Variants in CACNA2D1 observed in about 807,000 individuals in gnomAD.
The protein encoded by CACNA2D1 is voltage-dependent calcium channel subunit alpha-2/delta-1.
CACNA2D1 carries 53 observed loss-of-function variants against 171.5 expected under a neutral mutation model. The ratio of observed to expected loss-of-function variants is 0.31; its 90% confidence interval spans 0.25 to 0.39. The LOEUF (loss-of-function observed/expected upper bound fraction) is 0.39, where lower values mean the gene tolerates loss of function less well. Among genes scored for constraint, CACNA2D1 ranks in the 10% least tolerant of loss-of-function variants. The probability of loss-of-function intolerance (pLI) is 1.00; values close to 1 mark genes in which losing one functional copy is unlikely to be tolerated. For missense variants in CACNA2D1, 903 were observed against 1,299.8 expected (o/e 0.69, Z 4.69); for synonymous variants, 442 against 443.1 (o/e 1.00, Z 0.03).
chr7:81,986,927 C>T (rs749198087), intron 21 of CACNA2D1, among the ~76,000 whole-genome samples: 8 of 152,120 alleles, frequency 5.3e-5, no homozygotes, highest in Non-Finnish European at 1.0e-4. Flanking sequence ...GAAATTAGGA[C>T]ATTTTTATTG....
chr7:82,006,611 A>G (rs1799145271), intron 16 of CACNA2D1, among the ~76,000 whole-genome samples: 4 of 152,168 alleles, frequency 2.6e-5, no homozygotes, highest in African/African-American at 7.2e-5. Flanking sequence ...ATAGAGTAAG[A>G]AAGTTGTATC....
At position 82,382,862 on chromosome 7, in the gene CACNA2D1, C is replaced by A. The variant is rs145568310; in HGVS notation, c.96-33213G>T. Reference sequence around the variant, plus strand: ...TCAAAAACATTTACTGTTTGTTCCACAAACAAGAACGTAAATGTATTTGGA... The same window carrying A: ...TCAAAAACATTTACTGTTTGTTCCAAAAACAAGAACGTAAATGTATTTGGA... On this transcript the variant is annotated intron_variant, in intron 1 of 38. Transcript: ENST00000356860. Among the ~76,000 whole-genome samples the A allele has an allele frequency of 1.6e-3, 248 of 152,234 alleles. 2 individuals are homozygous for A. The highest frequency in any genetic ancestry group is 0.012 in the East Asian group (60 of 5,174).
chr7:82,303,608 G>C (rs1421039575), intron 3 of CACNA2D1, among the ~76,000 whole-genome samples: 1 of 152,100 alleles, frequency 6.6e-6, no homozygotes, highest in East Asian at 1.9e-4. Context: ...CAATGGAACA[G>C]AACAGAGAAC....
chr7:82,441,929 T>A (rs1830535600), intron 1 of CACNA2D1, among the ~76,000 whole-genome samples: 1 of 152,158 alleles, frequency 6.6e-6, no homozygotes, highest in Admixed American at 6.5e-5. Flanking sequence ...ATCCTTAGGG[T>A]GATTCTTACT....
chr7:82,261,738 A>G (rs1563274858), intron 3 of CACNA2D1, among the ~76,000 whole-genome samples: 1 of 152,118 alleles, frequency 6.6e-6, no homozygotes, highest in Non-Finnish European at 1.5e-5. Context: ...CAGTGTTGGT[A>G]AAGCCTGGTA....
intron 6 of CACNA2D1, among the ~76,000 whole-genome samples, chr7:82,098,595 C>T (rs750025524): frequency 4.6e-5 from 7 of 152,068 alleles, no homozygotes; most frequent in Admixed American, 1.3e-4. Context: ...TCTACTGTGC[C>T]TTTACACTTA....
intron 6 of CACNA2D1, among the ~76,000 whole-genome samples, chr7:82,100,215 G>A (rs1459034051): frequency 6.6e-6 from 1 of 152,090 alleles, no homozygotes; most frequent in African/African-American, 2.4e-5. Context: ...CAATGAGATT[G>A]AATTTACTGT....
intron 1 of CACNA2D1, among the ~76,000 whole-genome samples, chr7:82,411,489 T>C (rs1338825289): frequency 6.6e-6 from 1 of 152,198 alleles, no homozygotes; most frequent in Non-Finnish European, 1.5e-5. Flanking sequence ...CCAATTATTA[T>C]TATTGCTAAC....
chr7:82,382,405 T>C (rs944766277), intron 1 of CACNA2D1, among the ~76,000 whole-genome samples: 23 of 152,218 alleles, frequency 1.5e-4, no homozygotes, highest in Admixed American at 6.5e-5. Flanking sequence ...CCCAGATTAG[T>C]TTGTGACTTG....
At chr7:82,173,155 G>A (rs1036326896) in intron 3 of CACNA2D1, among the ~76,000 whole-genome samples, 4 of 152,160 alleles carry the variant, frequency 2.6e-5, no homozygotes, top group Middle Eastern at 3.4e-3. Context: ...TCCATGTTTA[G>A]TAAGTTATAG....
intron 2 of CACNA2D1, among the ~76,000 whole-genome samples, chr7:82,342,639 T>C (rs1441013250): frequency 2.6e-5 from 4 of 152,106 alleles, no homozygotes; most frequent in African/African-American, 9.7e-5. Flanking sequence ...AATATGAGTG[T>C]TCCAATGAAG....
At chr7:82,154,937 A>T (rs1688239869) in intron 4 of CACNA2D1, among the ~76,000 whole-genome samples, 1 of 152,028 alleles carries the variant, frequency 6.6e-6, no homozygotes, top group Admixed American at 6.6e-5. Flanking sequence ...GCCTGGTGAG[A>T]GGTGACTGGA....
At chr7:82,116,879 T>C (rs1237669944) in intron 6 of CACNA2D1, among the ~76,000 whole-genome samples, 165 bp downstream of exon 6, 1 of 152,226 alleles carries the variant, frequency 6.6e-6, no homozygotes, top group African/African-American at 2.4e-5. Flanking sequence ...AAACTGTTCA[T>C]GAAAATCAGA....
chr7:82,041,039 G>A (rs1458341869), intron 10 of CACNA2D1, among the ~76,000 whole-genome samples: 1 of 56,724 alleles, frequency 1.8e-5, no homozygotes, highest in East Asian at 4.0e-4. Flanking sequence ...CATTATGTAG[G>A]CAGCCTTGGG....
At chr7:82,180,139 T>C (rs1382527831) in intron 3 of CACNA2D1, among the ~76,000 whole-genome samples, 3 of 152,146 alleles carry the variant, frequency 2.0e-5, no homozygotes, top group African/African-American at 7.2e-5. Flanking sequence ...TTTTCAAGAA[T>C]GCATAGCAAA....
At chr7:82,057,631 T>G (rs76589624) in intron 10 of CACNA2D1, among the ~76,000 whole-genome samples, 5 of 151,916 alleles carry the variant, frequency 3.3e-5, no homozygotes, top group Admixed American at 2.0e-4. Flanking sequence ...TCATGGGTGT[T>G]GCTGCTACAT....
intron 4 of CACNA2D1, among the ~76,000 whole-genome samples, chr7:82,163,087 T>G (rs2129136115): frequency 6.6e-6 from 1 of 152,158 alleles, no homozygotes; most frequent in South Asian, 2.1e-4. Flanking sequence ...GATGTTATTC[T>G]TCATACAAAA....
chr7:82,030,652 C>A (rs1443998464), intron 12 of CACNA2D1, among the ~76,000 whole-genome samples: 1 of 151,574 alleles, frequency 6.6e-6, no homozygotes, highest in Non-Finnish European at 1.5e-5. Flanking sequence ...TGGATGATTA[C>A]ATAATGAAAG....
intron 11 of CACNA2D1, among the ~76,000 whole-genome samples, chr7:82,034,739 GT>G (rs1441863003): frequency 2.6e-5 from 4 of 151,916 alleles, no homozygotes; most frequent in South Asian, 4.2e-4. Flanking sequence ...ATAGGACATG[GT>G]TTTGTTTTTG....
Sources: gnomAD v4.1 joint callset for allele counts (sites outside exome capture counted in the v4.1 genomes callset) on GRCh38, gnomAD v4.1.1 for gene constraint, MANE v1.5 for transcripts, NCBI Gene and HGNC (gene_info 2026-07-23, HGNC 2026-07-21) for gene names.